Variants in RALYL observed in about 807,000 individuals in gnomAD.
RALYL encodes the protein RALY RNA binding protein like.
Under a neutral mutation model 35.1 loss-of-function variants are expected in RALYL, and 29 were observed. The observed-to-expected ratio is 0.83, with a 90% CI of 0.61 to 1.13. The LOEUF (loss-of-function observed/expected upper bound fraction) is 1.13, where lower values mean the gene tolerates loss of function less well. Among genes scored for constraint, RALYL ranks in the 50% most tolerant of loss-of-function variants. The pLI, the probability that RALYL is intolerant of heterozygous loss-of-function variation, is 0.00. For missense variants in RALYL, 359 were observed against 360.4 expected (o/e 1.00, Z 0.03); for synonymous variants, 120 against 127.6 (o/e 0.94, Z 0.40).
chr8:84,523,543 T>G (rs898092323), intron 1 of RALYL, among the ~76,000 whole-genome samples: 2 of 152,068 alleles, frequency 1.3e-5, no homozygotes, highest in African/African-American at 4.8e-5. Flanking sequence ...ACTTTAAGTT[T>G]TAGGGTACAT....
intron 1 of RALYL, among the ~76,000 whole-genome samples, chr8:84,405,648 G>T (rs1052966237): frequency 6.6e-6 from 1 of 152,046 alleles, no homozygotes; most frequent in Non-Finnish European, 1.5e-5. Context: ...ACCCTCTCAA[G>T]AGTTACAGTT....
At chr8:84,649,712 T>C (rs369735594) in intron 2 of RALYL, among the ~76,000 whole-genome samples, 15 of 152,072 alleles carry the variant, frequency 9.9e-5, no homozygotes, top group South Asian at 4.2e-4. Context: ...AGTCAGGTAG[T>C]GTGATGCCTC....
intron 1 of RALYL, among the ~76,000 whole-genome samples, chr8:84,211,040 C>T (rs1343290928): frequency 6.6e-6 from 1 of 152,024 alleles, no homozygotes; most frequent in African/African-American, 2.4e-5. Flanking sequence ...ATCGCCAATT[C>T]CTGAATACCA....
intron 2 of RALYL, among the ~76,000 whole-genome samples, chr8:84,688,662 C>A (rs1275262913): frequency 6.6e-6 from 1 of 151,988 alleles, no homozygotes; most frequent in Non-Finnish European, 1.5e-5. Flanking sequence ...TTACATTAAT[C>A]TGGGCAATGC....
At chr8:84,853,537 A>G (rs1204092584) in intron 5 of RALYL, among the ~76,000 whole-genome samples, 2 of 152,208 alleles carry the variant, frequency 1.3e-5, no homozygotes, top group Non-Finnish European at 2.9e-5. Flanking sequence ...AATTTTCAAA[A>G]TCATTTATTT....
rs182779825 is a variant in RALYL, at chr8:84,323,710, C to T, written c.-24+139286C>T. Among the ~76,000 whole-genome samples, 464 of 152,090 alleles carry T rather than the reference C, an allele frequency of 3.1e-3. 2 individuals carry two copies. Among genetic ancestry groups the T allele is most frequent in the Middle Eastern group, 6.8e-3 (2 of 294 alleles). ...CCAAATGAAGAAAATTATGGATATC[C>T]TATATGACCACACATATTAAATTCC... On this transcript the variant is annotated intron_variant, in intron 1 of 8. Coordinates refer to ENST00000521268, the MANE Select transcript of RALYL (RefSeq NM_173848.7).
At chr8:84,780,613 T>C (rs1052270204) in intron 3 of RALYL, among the ~76,000 whole-genome samples, 1 of 152,188 alleles carries the variant, frequency 6.6e-6, no homozygotes, top group Non-Finnish European at 1.5e-5. Context: ...GTTTGCTTGG[T>C]GGGAAAAATG....
At chr8:84,871,733 C>A (rs1045014029) in intron 6 of RALYL, among the ~76,000 whole-genome samples, 2 of 152,052 alleles carry the variant, frequency 1.3e-5, no homozygotes, top group African/African-American at 4.8e-5. Context: ...TTTTATTTTG[C>A]AAACTACTTT....
chr8:84,874,369 G>A (rs967555022), intron 7 of RALYL, among the ~76,000 whole-genome samples: 3 of 152,100 alleles, frequency 2.0e-5, no homozygotes, highest in African/African-American at 4.8e-5. Flanking sequence ...AAAGTAAATC[G>A]ATTTTCCTAG....
chr8:84,286,365 A>G (rs1460643340), intron 1 of RALYL, among the ~76,000 whole-genome samples: 5 of 152,212 alleles, frequency 3.3e-5, no homozygotes, highest in Non-Finnish European at 4.4e-5. Flanking sequence ...TCTTTTATTC[A>G]TGTGGGTACA....
chr8:84,666,472 G>C (rs908124980), intron 2 of RALYL, among the ~76,000 whole-genome samples: 4 of 152,024 alleles, frequency 2.6e-5, no homozygotes, highest in Non-Finnish European at 5.9e-5. Context: ...GTTAAAGTTT[G>C]AGAGACATGT....
chr8:84,197,425 C>A (rs890858125), intron 1 of RALYL, among the ~76,000 whole-genome samples: 14 of 152,114 alleles, frequency 9.2e-5, no homozygotes, highest in African/African-American at 3.4e-4. Context: ...AGAAGATAAT[C>A]CTACAACTTC....
intron 8 of RALYL, among the ~76,000 whole-genome samples, chr8:84,916,149 A>T (rs1848434417): frequency 6.6e-6 from 1 of 152,148 alleles, no homozygotes; most frequent in Non-Finnish European, 1.5e-5. Context: ...GTTAAAATAA[A>T]TTTAACTTTA....
intron 3 of RALYL, among the ~76,000 whole-genome samples, chr8:84,791,629 C>T (rs373870706): frequency 6.0e-4 from 91 of 152,108 alleles, no homozygotes; most frequent in African/African-American, 1.9e-3. Context: ...TGTGGTTAAA[C>T]GGTAGCAACT....
intron 7 of RALYL, among the ~76,000 whole-genome samples, chr8:84,876,574 AAG>A (rs1563792722): frequency 6.7e-6 from 1 of 149,616 alleles, no homozygotes; most frequent in African/African-American, 2.5e-5. Context: ...GAAAAGTAAA[AAG>A]ACTGGATAGC....
intron 2 of RALYL, among the ~76,000 whole-genome samples, chr8:84,643,936 G>T (rs1826929604): frequency 6.6e-6 from 1 of 152,020 alleles, no homozygotes; most frequent in Admixed American, 6.6e-5. Flanking sequence ...GCAATAGCCA[G>T]ATTGATGATA....
intron 2 of RALYL, among the ~76,000 whole-genome samples, chr8:84,646,330 T>G (rs1214835915): frequency 2.0e-5 from 3 of 152,028 alleles, no homozygotes; most frequent in African/African-American, 7.2e-5. Flanking sequence ...CTTTCTTGGG[T>G]TCAATTGATT....
At chr8:84,329,092 G>C (rs1051309023) in intron 1 of RALYL, among the ~76,000 whole-genome samples, 5 of 152,100 alleles carry the variant, frequency 3.3e-5, no homozygotes, top group Non-Finnish European at 7.4e-5. Flanking sequence ...CTTTTTGGTG[G>C]AATGATTTAT....
chr8:84,232,362 A>C (rs1415796250), intron 1 of RALYL, among the ~76,000 whole-genome samples: 2 of 152,170 alleles, frequency 1.3e-5, no homozygotes, highest in East Asian at 1.9e-4. Flanking sequence ...ATACACAATA[A>C]AATATTAAAA....
Sources: allele counts gnomAD v4.1 joint callset (sites outside exome capture counted in the v4.1 genomes callset), GRCh38; gene constraint gnomAD v4.1.1; transcripts MANE v1.5; gene names NCBI Gene and HGNC (gene_info 2026-07-23, HGNC 2026-07-21).